RPS4X: variants seen among roughly 807,000 people sequenced by gnomAD.
RPS4X encodes small ribosomal subunit protein eS4, X isoform.
For missense variants in RPS4X, 90 were observed against 219.1 expected, an observed-to-expected ratio of 0.41 and a Z score of 3.72; for synonymous variants, 76 against 76.8, an observed-to-expected ratio of 0.99 and a Z score of 0.06.
Position 72,273,886 on chromosome X carries a change from G to A in RPS4X, c.447C>T (p.Tyr149=). The A allele has an allele frequency of 5.0e-6, 6 of 1,205,158 alleles. No individual in the cohort carries two copies. The highest frequency in any genetic ancestry group is 6.7e-6 in the Non-Finnish European group (6 of 889,879). Residue 149 remains tyrosine (Y), a synonymous_variant, in exon 5 of 7, where the codon TAC becomes TAT. Coordinates refer to ENST00000316084, the MANE Select transcript of RPS4X (RefSeq NM_001007.5). Reference sequence around the variant, plus strand: ...CATTCACCTTGATGAGGGGATCGGGGTAGCGGATGGTGCGGGCATCATGAG... The same window carrying A: ...CATTCACCTTGATGAGGGGATCGGGATAGCGGATGGTGCGGGCATCATGAG... ...LVTHDARTIR[Y]PDPLIKVNDT...
At chrX:72,275,916 G>C (rs2043201239) in intron 2 of RPS4X, among the ~76,000 whole-genome samples, 192 bp from the exon 3 acceptor site, 1 of 111,542 alleles carries the variant, frequency 9.0e-6, no homozygotes, top group Admixed American at 9.6e-5. Context: ...TTCCCTGTCA[G>C]AGGACCAGGA....
intron 1 of RPS4X, among the ~76,000 whole-genome samples, chrX:72,276,436 T>A (rs2043204432): frequency 8.9e-6 from 1 of 112,560 alleles, no homozygotes; most frequent in Admixed American, 9.4e-5. Context: ...CTTCTTATTG[T>A]AACAGAGAAT....
rs1161118365 is a variant in RPS4X, at chrX:72,272,920, G to T, written c.691-148C>A. The T allele has an allele frequency of 6.4e-6, 3 of 470,862 alleles. No individual in the cohort carries two copies. In the African/African-American group the frequency reaches 7.3e-5, roughly 11 times the overall value. 38.8% of individuals were successfully genotyped at this position (470,862 alleles called of 1,213,427 possible). A position where few individuals can be genotyped will look rare whatever the true frequency, so the allele number is the denominator to read the frequency against. ...AGCTAGGCAGTTGCAAGACACAGATGCTGGTTACCAAAAGCACCCACTGCT... is the reference window on the plus strand; with the variant it reads ...AGCTAGGCAGTTGCAAGACACAGATTCTGGTTACCAAAAGCACCCACTGCT... On this transcript the variant is annotated intron_variant, in intron 6 of 6. Transcript: ENST00000316084.
In RPS4X at chrX:72,275,648, T is replaced by C; in HGVS notation, c.158A>G (p.Lys53Arg). The change falls in exon 3 of 7, where the codon AAG (lysine) becomes AGG (arginine). Residue 53 changes from lysine to arginine, a missense_variant. Coordinates refer to ENST00000316084, the MANE Select transcript of RPS4X (RefSeq NM_001007.5). ...PLIIFLRNRLKYALTGDEVKK... is the reference protein window; with the variant it reads ...PLIIFLRNRLRYALTGDEVKK... ...TACTTCATCTCCTGTCAGGGCATAC[T>C]TAAGTCTGTTCCTCAGGAAAATGAT... The C allele has an allele frequency of 8.3e-7, 1 of 1,209,172 alleles. No individual in the cohort carries two copies. Among genetic ancestry groups the C allele is most frequent in the South Asian group, 1.8e-5 (1 of 56,872 alleles).
intron 1 of RPS4X, among the ~76,000 whole-genome samples, chrX:72,276,572 C>T (rs2043205234): frequency 8.9e-6 from 1 of 111,944 alleles, no homozygotes; most frequent in African/African-American, 3.3e-5. Context: ...GAACACCATA[C>T]TAGTGAAACG....
chrX:72,274,027 C>A, intron 4 of RPS4X, 55 bp from the exon 5 acceptor site: 1 of 1,078,588 alleles, frequency 9.3e-7, no homozygotes. Flanking sequence ...TACTTTTTAA[C>A]CCTATACAGG....
In RPS4X at chrX:72,272,750, A is replaced by G; in HGVS notation, c.713T>C (p.Leu238Pro). The G allele has an allele frequency of 8.3e-7, 1 of 1,208,616 alleles. No individual in the cohort carries two copies. Among genetic ancestry groups the G allele is most frequent in the Non-Finnish European group, 1.1e-6 (1 of 893,168 alleles). ...GAGGCGGATACCCTTTCCTCGGGGA[A>G]GAGAAATCCATGGTTTGTTGCCCTG... The part of the protein sequence containing the change: ...IGKGNKPWIS[L>P]PRGKGIRLTI... The change falls in exon 7 of 7, where the codon CTT becomes CCT. Residue 238 changes from leucine to proline, a missense_variant. Leu to Pro is a moderately conservative substitution (Grantham distance 98). Coordinates refer to ENST00000316084, the MANE Select transcript of RPS4X (RefSeq NM_001007.5).
Position 72,276,207 on chromosome X carries a change from G to A in RPS4X, c.31C>T (p.Arg11Trp). 1 of 1,209,516 alleles carries A rather than the reference G, an allele frequency of 8.3e-7. No individual in the cohort carries two copies. Among genetic ancestry groups the A allele is most frequent in the Non-Finnish European group, 1.1e-6 (1 of 893,871 alleles). ...ATCCAATGCTTTGGAGCTGCCACCC[G>A]CTTCAGATGCTTCTTGGGACCACGA... MARGPKKHLKRVAAPKHWMLD... is the reference protein window; with the variant it reads MARGPKKHLKWVAAPKHWMLD... Residue 11 changes from arginine to tryptophan, a missense_variant, in exon 2 of 7, where the codon CGG (arginine) becomes TGG (tryptophan). Physicochemically the swap from Arg to Trp is moderately radical, Grantham distance 101. Transcript: ENST00000316084.
rs1602470162 is a variant in RPS4X, at chrX:72,276,240, A to G, written c.4-6T>C. The G allele has an allele frequency of 8.4e-7, 1 of 1,197,007 alleles. No homozygotes were observed. On this transcript the variant is annotated splice_polypyrimidine_tract_variant and splice_region_variant and intron_variant, in intron 1 of 6. Coordinates refer to ENST00000316084, the MANE Select transcript of RPS4X (RefSeq NM_001007.5). ...TGCTTCTTGGGACCACGAGCCTGAA[A>G]GTTTTAGATTGCAATGCTGTTAATC...
intron 4 of RPS4X, chrX:72,274,404 T>G (rs1470637579): frequency 5.8e-6 from 2 of 342,548 alleles, no homozygotes; most frequent in Non-Finnish European, 1.2e-5. Context: ...CAGATCCCAC[T>G]GGACGTGCCC....
Position 72,272,573 on chromosome X carries a change from TAAA to T in RPS4X, c.*95_*97del, listed in dbSNP as rs941983223. ...ACAGTAAAATAGCAGGAAACTGAAT[TAAA>T]AAAAAAAACAACCCACAAAACCAAA... On this transcript the variant is annotated 3_prime_UTR_variant, in exon 7 of 7. Coordinates refer to ENST00000316084, the MANE Select transcript of RPS4X (RefSeq NM_001007.5). 14 of 423,236 alleles carry T rather than the reference TAAA, an allele frequency of 3.3e-5. No individual in the cohort carries two copies. The highest frequency in any genetic ancestry group is 5.1e-5 in the Non-Finnish European group (13 of 255,770). The allele number at this position is 423,236 out of a possible 1,213,427, so 34.9% of individuals were successfully genotyped here. A position where few individuals can be genotyped will look rare whatever the true frequency, so the allele number is the denominator to read the frequency against.
chrX:72,275,228 C>T (rs921363762), intron 3 of RPS4X, 78 bp from the exon 4 acceptor site: 17 of 672,327 alleles, frequency 2.5e-5, no homozygotes, highest in South Asian at 1.4e-4. Flanking sequence ...TAGCTCTCTA[C>T]GAAACAAAAA....
rs751546736 is a variant in RPS4X, at chrX:72,277,208, C to T, written c.-13G>A. The T allele has an allele frequency of 7.4e-6, 9 of 1,210,291 alleles. No individual in the cohort carries two copies. In the Admixed American group the frequency reaches 8.7e-5, roughly 12 times the overall value. On this transcript the variant is annotated 5_prime_UTR_variant, in exon 1 of 7. Coordinates refer to ENST00000316084, the MANE Select transcript of RPS4X (RefSeq NM_001007.5). ...AACGGCTTACCATGGCTGCGTTAGG[C>T]AAGGAAAGAGGACCTCCGTCTTCCG...
chrX:72,273,755 A>G (rs766041268), intron 5 of RPS4X, 46 bp downstream of exon 5: 15 of 1,101,046 alleles, frequency 1.4e-5, no homozygotes, highest in Non-Finnish European at 1.9e-5. Context: ...ATTCATAATG[A>G]TCTAGGCCTT....
chrX:72,272,791 A>G lies in RPS4X; in HGVS notation c.691-19T>C, dbSNP rs1329117437. The G allele has an allele frequency of 6.2e-6, 7 of 1,126,551 alleles. No individual in the cohort carries two copies. The highest frequency in any genetic ancestry group is 8.5e-6 in the Non-Finnish European group (7 of 819,552). The allele number at this position is 1,126,551 out of a possible 1,213,427, so 92.8% of individuals were successfully genotyped here. A position where few individuals can be genotyped will look rare whatever the true frequency, so the allele number is the denominator to read the frequency against. On this transcript the variant is annotated intron_variant, in intron 6 of 6. Transcript: ENST00000316084. ...TGTTGCCCTGGAAGAGAAAACAAGCAGAATCAAAACCCACCACACACCAAC... is the reference window on the plus strand; with the variant it reads ...TGTTGCCCTGGAAGAGAAAACAAGCGGAATCAAAACCCACCACACACCAAC...
chrX:72,277,220 A>C lies in RPS4X; in HGVS notation c.-25T>G. ...TGGCTGCGTTAGGCAAGGAAAGAGG[A>C]CCTCCGTCTTCCGGTGCGCGTAGAA... On this transcript the variant is annotated 5_prime_UTR_variant, in exon 1 of 7. Transcript: ENST00000316084. The C allele has an allele frequency of 8.3e-7, 1 of 1,207,871 alleles. No homozygotes were observed. Among genetic ancestry groups the C allele is most frequent in the South Asian group, 1.8e-5 (1 of 56,255 alleles).
At position 72,275,526 on chromosome X, in the gene RPS4X, G is replaced by A. The variant is rs760186550; in HGVS notation, c.262+18C>T. The stretch of plus-strand genomic sequence containing the variant: ...GCTGCCATCAATATGCGTCTCCAGA[G>A]TATTTAAAACTTCTTACCCATGAAT... On this transcript the variant is annotated intron_variant, in intron 3 of 6. Transcript: ENST00000316084. 6 of 1,082,327 alleles carry A rather than the reference G, an allele frequency of 5.5e-6. No homozygotes were observed. The African/African-American group carries it at 1.4e-4, about 26-fold the overall frequency. The allele number at this position is 1,082,327 out of a possible 1,213,427, so 89.2% of individuals were successfully genotyped here.
In RPS4X at chrX:72,273,468, A is replaced by T. The variant is rs983194821; in HGVS notation, c.533-79T>A. On this transcript the variant is annotated intron_variant, in intron 5 of 6. Coordinates refer to ENST00000316084, the MANE Select transcript of RPS4X (RefSeq NM_001007.5). ...TCAGAGATGGGTCCAAACAAATTTT[A>T]TTCCTCCTTTCCCCCCATTTGAATT... is the stretch of plus-strand genomic sequence containing the variant. 5.4e-6 allele frequency: 5 copies of T among 927,828 alleles called. No homozygotes were observed. In the African/African-American group the frequency reaches 6.0e-5, roughly 11 times the overall value. The allele number at this position is 927,828 out of a possible 1,213,427, so 76.5% of individuals were successfully genotyped here.
At position 72,276,218 on chromosome X, in the gene RPS4X, T is replaced by G; in HGVS notation, c.20A>C (p.Lys7Thr). Reference protein sequence around the residue: MARGPKKHLKRVAAPKH... With the variant: MARGPKTHLKRVAAPKH... ...TGGAGCTGCCACCCGCTTCAGATGC[T>G]TCTTGGGACCACGAGCCTGAAAGTT... Residue 7 changes from lysine to threonine, a missense_variant, in exon 2 of 7, where the codon AAG (lysine) becomes ACG (threonine). Coordinates refer to ENST00000316084, the MANE Select transcript of RPS4X (RefSeq NM_001007.5). The G allele has an allele frequency of 8.3e-7, 1 of 1,209,937 alleles. No homozygotes were observed. The highest frequency in any genetic ancestry group is 1.8e-5 in the South Asian group (1 of 56,826).
Sources: gnomAD v4.1 joint callset for allele counts (sites outside exome capture counted in the v4.1 genomes callset) on GRCh38, gnomAD v4.1.1 for gene constraint, MANE v1.5 for transcripts, NCBI Gene and HGNC (gene_info 2026-07-23, HGNC 2026-07-21) for gene names.